Variants in POU3F3 observed in about 807,000 individuals in gnomAD.
The protein encoded by POU3F3 is POU class 3 homeobox 3.
POU3F3 carries 1 observed loss-of-function variant against 8.6 expected under a neutral mutation model. That is an observed-to-expected ratio of 0.12 (90% confidence interval 0.04 to 0.55). The LOEUF is 0.55. POU3F3 is among the 20% of genes least tolerant of loss of function. POU3F3 has a pLI of 0.91. For synonymous variants in POU3F3, 418 were observed against 327.4 expected (o/e 1.28, Z -2.99); for missense variants, 577 against 690.7 (o/e 0.84, Z 1.84).
chr2:104,904,520 C>T, the POU3F3 span, among the ~76,000 whole-genome samples: 1 of 151,958 alleles, frequency 6.6e-6, no homozygotes, highest in Non-Finnish European at 1.5e-5. Flanking sequence ...CAGTTAATAA[C>T]CAATAACCTG....
At chr2:104,892,772 T>G in the POU3F3 span, among the ~76,000 whole-genome samples, 1 of 151,470 alleles carries the variant, frequency 6.6e-6, no homozygotes, top group Non-Finnish European at 1.5e-5. Flanking sequence ...CCCTTTGAAC[T>G]GCCTGGATCG....
Position 104,856,911 on chromosome 2 carries a change from C to A in POU3F3, c.1401C>A (p.Pro467=). 6.2e-7 allele frequency: 1 copy of A among 1,613,780 alleles called. No homozygotes were observed. The highest frequency in any genetic ancestry group is 8.5e-7 in the Non-Finnish European group (1 of 1,179,954). The change falls in exon 1 of 1, where the codon CCC becomes CCA. Residue 467 remains proline, a synonymous_variant. Coordinates refer to ENST00000361360, the MANE Select transcript of POU3F3 (RefSeq NM_006236.3). ...AAAAGGAGAAGCGCATGACGCCGCC[C>A]GGGATCCAACAGCAGACGCCCGACG... ...RRQKEKRMTP[P]GIQQQTPDDV...
In POU3F3 at chr2:104,856,872, C is replaced by T; in HGVS notation, c.1362C>T (p.Phe454=). The part of the protein sequence containing the change: ...QLEKEVVRVW[F]CNRRQKEKRM... ...AGAAGGAGGTGGTGCGGGTCTGGTT[C>T]TGCAATCGGCGCCAAAAGGAGAAGC... Residue 454 remains phenylalanine (F), a synonymous_variant, in exon 1 of 1, where the codon TTC becomes TTT. Transcript: ENST00000361360. 1.2e-6 allele frequency: 2 copies of T among 1,614,092 alleles called. No individual in the cohort carries two copies. Among genetic ancestry groups the T allele is most frequent in the Non-Finnish European group, 1.7e-6 (2 of 1,180,002 alleles).
chr2:104,881,855 G>C, the POU3F3 span, among the ~76,000 whole-genome samples: 20 of 152,154 alleles, frequency 1.3e-4, no homozygotes, highest in Non-Finnish European at 1.2e-4. Flanking sequence ...CCTCAGACAT[G>C]GGCAATCCAC....
In POU3F3 at chr2:104,856,309, C is replaced by T; in HGVS notation, c.799C>T (p.Leu267=). Residue 267 remains leucine (L), a synonymous_variant, in exon 1 of 1, where the codon CTG becomes TTG. Coordinates refer to ENST00000361360, the MANE Select transcript of POU3F3 (RefSeq NM_006236.3). ...GCTGGTGCGCGGGGACACGCCAGAG[C>T]TGGCCGAGCACCACCACCACCACCA... ...PGLVRGDTPE[L]AEHHHHHHHH... is the part of the protein sequence containing the mutation. The T allele has an allele frequency of 6.7e-7, 1 of 1,503,450 alleles. No individual in the cohort carries two copies. The highest frequency in any genetic ancestry group is 8.8e-7 in the Non-Finnish European group (1 of 1,132,766). 93.1% of individuals were successfully genotyped at this position (1,503,450 alleles called of 1,614,324 possible).
the POU3F3 span, among the ~76,000 whole-genome samples, chr2:104,890,493 C>G: frequency 6.6e-6 from 1 of 152,080 alleles, no homozygotes; most frequent in Admixed American, 6.5e-5. Flanking sequence ...TCGCCCACCT[C>G]CCTGTGTGGG....
chr2:104,896,803 G>A, the POU3F3 span, among the ~76,000 whole-genome samples: 1 of 152,256 alleles, frequency 6.6e-6, no homozygotes, highest in African/African-American at 2.4e-5. Context: ...AAGATGGACT[G>A]ACGTGGGATC....
chr2:104,916,650 C>T, the POU3F3 span, among the ~76,000 whole-genome samples: 2 of 152,160 alleles, frequency 1.3e-5, no homozygotes, highest in African/African-American at 4.8e-5. Flanking sequence ...CTTAGTCTCA[C>T]AAATAACCTC....
chr2:104,886,876 C>T, the POU3F3 span, among the ~76,000 whole-genome samples: 8 of 151,646 alleles, frequency 5.3e-5, no homozygotes, highest in African/African-American at 1.7e-4. Context: ...CTATTGCACT[C>T]CAGACTGGGT....
At chr2:104,879,696 T>C in the POU3F3 span, among the ~76,000 whole-genome samples, 1 of 152,124 alleles carries the variant, frequency 6.6e-6, no homozygotes, top group African/African-American at 2.4e-5. Flanking sequence ...GACCTCCTTC[T>C]GCCCCTGTGG....
At chr2:104,863,887 A>G in the POU3F3 span, among the ~76,000 whole-genome samples, 1 of 152,218 alleles carries the variant, frequency 6.6e-6, no homozygotes, top group African/African-American at 2.4e-5. Context: ...ACCGAGGTCT[A>G]GGCAGCTGGG....
At chr2:104,919,805 C>T in the POU3F3 span, among the ~76,000 whole-genome samples, 29 of 151,946 alleles carry the variant, frequency 1.9e-4, no homozygotes, top group African/African-American at 7.0e-4. Context: ...CTTCCTCTCC[C>T]CTCCTCCTCT....
the POU3F3 span, among the ~76,000 whole-genome samples, chr2:104,880,453 GA>G: frequency 2.8e-4 from 42 of 152,104 alleles, no homozygotes; most frequent in Non-Finnish European, 5.6e-4. Context: ...AGCAGCCTAG[GA>G]GTCCCCACCA....
chr2:104,901,492 C>A, the POU3F3 span, among the ~76,000 whole-genome samples: 1 of 152,232 alleles, frequency 6.6e-6, no homozygotes, highest in African/African-American at 2.4e-5. Flanking sequence ...CCTATCCTAA[C>A]AGGCTGTTCA....
chr2:104,863,721 C>T, the POU3F3 span, among the ~76,000 whole-genome samples: 1 of 152,134 alleles, frequency 6.6e-6, no homozygotes, highest in Non-Finnish European at 1.5e-5. Context: ...AGGTGGGGGG[C>T]GTACTCTGTT....
the POU3F3 span, among the ~76,000 whole-genome samples, chr2:104,900,772 C>T: frequency 5.3e-5 from 8 of 152,278 alleles, no homozygotes; most frequent in Non-Finnish European, 1.2e-4. Flanking sequence ...CAAGGCTGCC[C>T]GTGGCCAGGA....
chr2:104,872,886 G>A, the POU3F3 span, among the ~76,000 whole-genome samples: 12 of 152,286 alleles, frequency 7.9e-5, no homozygotes, highest in African/African-American at 2.6e-4. The surrounding 1 kb of genome is among the most constrained non-coding windows in gnomAD (Gnocchi z 4.6). Context: ...GGGGTTTGGA[G>A]AAGAGGTGAA....
chr2:104,874,038 C>G, the POU3F3 span, among the ~76,000 whole-genome samples: 1 of 152,198 alleles, frequency 6.6e-6, no homozygotes, highest in African/African-American at 2.4e-5. Context: ...AAGGAACAGC[C>G]ACGCAATTAA....
the POU3F3 span, among the ~76,000 whole-genome samples, chr2:104,877,795 T>C: frequency 2.0e-5 from 3 of 151,914 alleles, no homozygotes; most frequent in Non-Finnish European, 4.4e-5. Context: ...GTAGCTGGGA[T>C]TACAGGCACA....
Sources: allele counts gnomAD v4.1 joint callset (sites outside exome capture counted in the v4.1 genomes callset), GRCh38; gene constraint gnomAD v4.1.1; non-coding constraint Gnocchi (gnomAD v3.1); transcripts MANE v1.5; gene names NCBI Gene and HGNC (gene_info 2026-07-23, HGNC 2026-07-21).